POLR3B: variants seen among roughly 807,000 people sequenced by gnomAD.
The protein encoded by POLR3B is DNA-directed RNA polymerase III subunit RPC2.
POLR3B carries 96 observed loss-of-function variants against 147.4 expected under a neutral mutation model. The ratio of observed to expected loss-of-function variants is 0.65; its 90% CI spans 0.55 to 0.77. POLR3B has a LOEUF of 0.77. Among genes scored for constraint, POLR3B ranks in the 30% least tolerant of loss-of-function variants. POLR3B has a pLI of 0.00. For missense variants in POLR3B, 1,036 were observed against 1,413.5 expected (o/e 0.73, Z 4.28); for synonymous variants, 461 against 485.9 (o/e 0.95, Z 0.67).
intron 22 of POLR3B, among the ~76,000 whole-genome samples, chr12:106,460,479 G>T: frequency 6.6e-6 from 1 of 152,286 alleles, no homozygotes; most frequent in African/African-American, 2.4e-5. Flanking sequence ...TGGCTTCAGA[G>T]CGCTTCTCTT....
In POLR3B at chr12:106,405,951, C is replaced by T; in HGVS notation, c.941C>T (p.Ala314Val). The change falls in exon 11 of 28, where the codon GCT (alanine) becomes GTT (valine). Residue 314 changes from alanine to valine, a missense_variant. Ala to Val is a moderately conservative substitution (Grantham distance 64). Around this residue, in one of 12 missense-constraint regions of POLR3B, gnomAD observed 217 missense variants for 288.7 expected, o/e 0.75. Coordinates refer to ENST00000228347, the MANE Select transcript of POLR3B (RefSeq NM_018082.6). ...ATAGAAGAAGCAAGAGAGCTCCTGG[C>T]TTCCACCATTCTGACCCATGTCCCA... ...TKIEEARELLASTILTHVPVK... is the reference protein window; with the variant it reads ...TKIEEARELLVSTILTHVPVK... 1.2e-6 allele frequency: 2 copies of T among 1,613,836 alleles called. No homozygotes were observed. The highest frequency in any genetic ancestry group is 2.2e-5 in the South Asian group (2 of 91,076).
At chr12:106,462,432 G>A (rs1371001727) in intron 22 of POLR3B, among the ~76,000 whole-genome samples, 1 of 152,152 alleles carries the variant, frequency 6.6e-6, no homozygotes, top group Non-Finnish European at 1.5e-5. Context: ...ATCTTTAGTA[G>A]AGATGGGTTT....
intron 9 of POLR3B, among the ~76,000 whole-genome samples, chr12:106,385,688 G>A (rs533703283): frequency 1.3e-5 from 2 of 152,336 alleles, no homozygotes; most frequent in African/African-American, 4.8e-5. Flanking sequence ...GTATTGGTAA[G>A]AGTATTCATA....
intron 23 of POLR3B, among the ~76,000 whole-genome samples, chr12:106,474,815 A>T (rs2038142688): frequency 6.6e-6 from 1 of 151,856 alleles, no homozygotes; most frequent in African/African-American, 2.4e-5. Context: ...TCAAAAAACC[A>T]GCTCCTGGAT....
intron 12 of POLR3B, among the ~76,000 whole-genome samples, chr12:106,413,027 A>T (rs11112979): frequency 0.34 from 51,253 of 151,932 alleles, 11,508 homozygotes; most frequent in African/African-American, 0.64. Context: ...TATATTCTGG[A>T]TACATACATA....
At chr12:106,424,631 GC>G (rs902129359) in intron 12 of POLR3B, among the ~76,000 whole-genome samples, 7 of 152,004 alleles carry the variant, frequency 4.6e-5, no homozygotes, top group Non-Finnish European at 8.8e-5. Flanking sequence ...TTTTTTTTAA[GC>G]CTGTTTGCAG....
chr12:106,390,299 G>A (rs2036897929), intron 9 of POLR3B, among the ~76,000 whole-genome samples: 1 of 142,244 alleles, frequency 7.0e-6, no homozygotes, highest in African/African-American at 2.7e-5. Flanking sequence ...TTCATATTTT[G>A]GAGCATTTTG....
chr12:106,509,600 G>C lies in POLR3B; in HGVS notation c.*51G>C. On this transcript the variant is annotated 3_prime_UTR_variant, in exon 28 of 28. Coordinates refer to ENST00000228347, the MANE Select transcript of POLR3B (RefSeq NM_018082.6). The stretch of plus-strand genomic sequence containing the variant: ...GAACAAGTGATACATCCAATGCAAC[G>C]GAAAGCAGAAGGGATTTAGGACTAC... 6.5e-7 allele frequency: 1 copy of C among 1,538,792 alleles called. No individual in the cohort carries two copies. Among genetic ancestry groups the C allele is most frequent in the Non-Finnish European group, 9.0e-7 (1 of 1,116,440 alleles).
intron 23 of POLR3B, among the ~76,000 whole-genome samples, chr12:106,489,333 G>A (rs2038380037): frequency 6.6e-6 from 1 of 152,148 alleles, no homozygotes; most frequent in South Asian, 2.1e-4. Flanking sequence ...TTCACTTAAT[G>A]GTTTAGTCTG....
Position 106,366,439 on chromosome 12 carries a change from G to A in POLR3B, c.106-77G>A, listed in dbSNP as rs879055058. ...CACCTATTATTAGATTCCATTATAT[G>A]ATCTATTATTTGAGCATATCATCAG... On this transcript the variant is annotated intron_variant, in intron 2 of 27. Coordinates refer to ENST00000228347, the MANE Select transcript of POLR3B (RefSeq NM_018082.6). 1.1e-4 allele frequency: 94 copies of A among 876,294 alleles called. 1 individual carries two copies. The South Asian group carries it at 1.3e-3, about 12-fold the overall frequency. The allele number at this position is 876,294 out of a possible 1,614,324, so 54.3% of individuals were successfully genotyped here.
intron 23 of POLR3B, among the ~76,000 whole-genome samples, chr12:106,486,010 C>T (rs2038331931): frequency 6.6e-6 from 1 of 152,004 alleles, no homozygotes; most frequent in African/African-American, 2.4e-5. Flanking sequence ...AGGAGATTGG[C>T]CAGGCGCGGT....
rs2037215513 is a variant in POLR3B at position 106,410,822 on chromosome 12, A to C, written c.967-4A>C. 6.2e-7 allele frequency: 1 copy of C among 1,613,716 alleles called. No homozygotes were observed. Among genetic ancestry groups the C allele is most frequent in the Non-Finnish European group, 8.5e-7 (1 of 1,179,730 alleles). ...AAAATTTTTCTCCAATTTCTGACTT[A>C]CAGGTTAAGGAATTCAATTTCCGAG... is the stretch of plus-strand genomic sequence containing the variant. On this transcript the variant is annotated splice_region_variant and splice_polypyrimidine_tract_variant and intron_variant, in intron 11 of 27. Coordinates refer to ENST00000228347, the MANE Select transcript of POLR3B (RefSeq NM_018082.6).
chr12:106,394,424 C>T (rs1464549609), intron 10 of POLR3B, among the ~76,000 whole-genome samples: 1 of 152,144 alleles, frequency 6.6e-6, no homozygotes, highest in Non-Finnish European at 1.5e-5. Flanking sequence ...GAAGAGAAAA[C>T]ATTAAGAAAT....
chr12:106,380,296 G>A (rs1034584662), intron 9 of POLR3B, among the ~76,000 whole-genome samples, 157 bp downstream of exon 9: 2 of 151,940 alleles, frequency 1.3e-5, no homozygotes, highest in African/African-American at 2.4e-5. Flanking sequence ...AAAGCTGGCT[G>A]GGCGTGGTGG....
At chr12:106,470,681 T>C (rs560892918) in intron 23 of POLR3B, among the ~76,000 whole-genome samples, 1 of 152,290 alleles carries the variant, frequency 6.6e-6, no homozygotes, top group Admixed American at 6.5e-5. Context: ...TATTCCTTTC[T>C]GTTTGTTAGT....
chr12:106,470,886 G>C (rs1358633841), intron 23 of POLR3B, among the ~76,000 whole-genome samples: 1 of 152,144 alleles, frequency 6.6e-6, no homozygotes, highest in Admixed American at 6.5e-5. Context: ...ACTACTGGGA[G>C]GTGTCTCCCA....
At chr12:106,420,661 C>G (rs1288922076) in intron 12 of POLR3B, among the ~76,000 whole-genome samples, 1 of 152,198 alleles carries the variant, frequency 6.6e-6, no homozygotes, top group Non-Finnish European at 1.5e-5. Flanking sequence ...ACAGAGCCAC[C>G]TAGTCTGTTT....
chr12:106,468,551 ATC>A (rs1389157358), intron 23 of POLR3B, among the ~76,000 whole-genome samples: 1 of 151,834 alleles, frequency 6.6e-6, no homozygotes, highest in Non-Finnish European at 1.5e-5. Flanking sequence ...TCGATTTTAG[ATC>A]TCTCCTGCTT....
At chr12:106,439,988 T>G (rs1461873291) in intron 18 of POLR3B, among the ~76,000 whole-genome samples, 2 of 152,116 alleles carry the variant, frequency 1.3e-5, no homozygotes, top group African/African-American at 4.8e-5. Context: ...GAGCACAGTT[T>G]GAGGCTGCAG....
Sources: allele counts gnomAD v4.1 joint callset (sites outside exome capture counted in the v4.1 genomes callset), GRCh38; gene constraint gnomAD v4.1.1; regional missense constraint gnomAD v4.1.1; transcripts MANE v1.5; gene names NCBI Gene and HGNC (gene_info 2026-07-23, HGNC 2026-07-21).